GRHL2: variants seen among roughly 807,000 people sequenced by gnomAD.
GRHL2 encodes grainyhead-like protein 2 homolog.
GRHL2 carries 21 observed loss-of-function variants against 83.8 expected under a neutral mutation model. The ratio of observed to expected loss-of-function variants is 0.25; its 90% CI spans 0.18 to 0.36. The LOEUF is 0.36. Among genes scored for constraint, GRHL2 ranks in the 10% least tolerant of loss-of-function variants. The pLI is 1.00. For missense variants in GRHL2, 623 were observed against 781.8 expected, an observed-to-expected ratio of 0.80 and a Z score of 2.42; for synonymous variants, 280 against 278.9, an observed-to-expected ratio of 1.00 and a Z score of -0.04.
intron 1 of GRHL2, among the ~76,000 whole-genome samples, chr8:101,526,528 T>C (rs1228078749): frequency 3.5e-5 from 3 of 86,808 alleles, no homozygotes; most frequent in African/African-American, 4.1e-5. Context: ...TTTTTTCCTT[T>C]TTTTTTTTTT....
In GRHL2 at chr8:101,652,361, G is replaced by GTCTGA. The variant is rs1563626779; in HGVS notation, c.1698+2863_1698+2864insCTGAT. ...TGTGTATGTGTGTGGTGTGTGTGGT[G>GTCTGA]TGTGTGTGTCTGATGTGTGTGTGGT... On this transcript the variant is annotated intron_variant, in intron 14 of 15. Transcript: ENST00000646743. Among the ~76,000 whole-genome samples, 91 of 52,568 alleles carry GTCTGA rather than the reference G, an allele frequency of 1.7e-3. 2 individuals are homozygous for GTCTGA. Among genetic ancestry groups the GTCTGA allele is most frequent in the East Asian group, 0.013 (26 of 2,014 alleles). The allele number at this position is 52,568 out of a possible 152,430, so 34.5% of individuals were successfully genotyped here. A position where few individuals can be genotyped will look rare whatever the true frequency, so the allele number is the denominator to read the frequency against.
intron 14 of GRHL2, among the ~76,000 whole-genome samples, chr8:101,652,403 T>C (rs570887839): frequency 1.4e-5 from 1 of 73,024 alleles, no homozygotes; most frequent in Non-Finnish European, 2.5e-5. Context: ...GTGTGTCTGG[T>C]GTGTGTGTGG....
the GRHL2 span, among the ~76,000 whole-genome samples, chr8:101,674,807 C>A: frequency 6.6e-6 from 1 of 152,026 alleles, no homozygotes; most frequent in African/African-American, 2.4e-5. Flanking sequence ...CAAAAATCCT[C>A]AATAAAATAC....
intron 4 of GRHL2, among the ~76,000 whole-genome samples, chr8:101,569,122 A>C (rs946224288): frequency 4.6e-5 from 7 of 152,198 alleles, no homozygotes; most frequent in African/African-American, 1.4e-4. Context: ...GTCATAGTGA[A>C]AAAACAAGAT....
rs541650305 is a variant in GRHL2, at chr8:101,629,300, G to A, written c.1258-2337G>A. Among the ~76,000 whole-genome samples the A allele has an allele frequency of 2.2e-3, 309 of 140,624 alleles. 1 individual carries two copies. Among genetic ancestry groups the A allele is most frequent in the African/African-American group, 7.7e-3 (295 of 38,240 alleles). 92.3% of individuals were successfully genotyped at this position (140,624 alleles called of 152,430 possible). A position where few individuals can be genotyped will look rare whatever the true frequency, so the allele number is the denominator to read the frequency against. The stretch of plus-strand genomic sequence containing the variant: ...GAATACAACTTGCTAAAGCCTCAGT[G>A]TGTATTTTTTTTTTTTTAGCAATGA... On this transcript the variant is annotated intron_variant, in intron 9 of 15. Coordinates refer to ENST00000646743, the MANE Select transcript of GRHL2 (RefSeq NM_024915.4).
At chr8:101,529,325 C>T (rs1036910266) in intron 1 of GRHL2, 5 of 185,940 alleles carry the variant, frequency 2.7e-5, no homozygotes, top group Non-Finnish European at 4.4e-5. Flanking sequence ...CCCAGCTACT[C>T]GGGAGACTGA....
intron 12 of GRHL2, among the ~76,000 whole-genome samples, chr8:101,639,675 C>T (rs944855609): frequency 6.6e-6 from 1 of 152,320 alleles, no homozygotes; most frequent in East Asian, 1.9e-4. Context: ...CAAAGGCACA[C>T]CCTTGGTTCA....
chr8:101,524,752 C>T (rs1810768557), intron 1 of GRHL2, among the ~76,000 whole-genome samples: 1 of 151,470 alleles, frequency 6.6e-6, no homozygotes, highest in Non-Finnish European at 1.5e-5. Flanking sequence ...GATATTAGGT[C>T]AGTTTTCTTA....
At chr8:101,661,492 C>G (rs577895997) in intron 14 of GRHL2, among the ~76,000 whole-genome samples, 72 of 152,314 alleles carry the variant, frequency 4.7e-4, no homozygotes, top group Non-Finnish European at 3.2e-4. Context: ...CACACACATC[C>G]TCCCATGTAC....
chr8:101,526,391 T>C (rs554121802), intron 1 of GRHL2, among the ~76,000 whole-genome samples: 2 of 152,328 alleles, frequency 1.3e-5, no homozygotes, highest in East Asian at 3.9e-4. Context: ...ACTGAGTTAT[T>C]TGGATTTTCC....
At position 101,492,575 on chromosome 8, in the gene GRHL2, C is replaced by T; in HGVS notation, c.-195C>T. 1 of 684,142 alleles carries T rather than the reference C, an allele frequency of 1.5e-6. No individual in the cohort carries two copies. The highest frequency in any genetic ancestry group is 1.6e-5 in the South Asian group (1 of 60,754). 42.4% of individuals were successfully genotyped at this position (684,142 alleles called of 1,614,324 possible). On this transcript the variant is annotated 5_prime_UTR_variant, in exon 1 of 16. Coordinates refer to ENST00000646743, the MANE Select transcript of GRHL2 (RefSeq NM_024915.4). ...TGTGAGGGGCCCCCCCTTATCCCAC[C>T]TTTCCGGCTAGGTGAGGGCGCGAGC... is the stretch of plus-strand genomic sequence containing the variant.
intron 1 of GRHL2, among the ~76,000 whole-genome samples, chr8:101,520,202 G>A (rs1358506540): frequency 6.6e-6 from 1 of 152,150 alleles, no homozygotes; most frequent in Non-Finnish European, 1.5e-5. Context: ...AGACAGAGGT[G>A]GAGTCCAACA....
At chr8:101,539,131 T>A (rs2130108470) in intron 1 of GRHL2, among the ~76,000 whole-genome samples, 2 of 152,314 alleles carry the variant, frequency 1.3e-5, no homozygotes, top group African/African-American at 4.8e-5. Context: ...AGGACACATC[T>A]TAGTGTAAAT....
chr8:101,596,417 T>C (rs1812392908), intron 7 of GRHL2, among the ~76,000 whole-genome samples: 1 of 152,206 alleles, frequency 6.6e-6, no homozygotes, highest in South Asian at 2.1e-4. Context: ...GACCTGCTAC[T>C]TTCACTTCTA....
intron 7 of GRHL2, 82 bp from the exon 8 acceptor site, chr8:101,598,975 C>A: frequency 1.1e-6 from 1 of 926,748 alleles, no homozygotes; most frequent in Non-Finnish European, 1.8e-6. Flanking sequence ...TTTAAATTTA[C>A]CCATTGGAAA....
At chr8:101,645,730 G>A (rs1042199505) in intron 13 of GRHL2, among the ~76,000 whole-genome samples, 2 of 152,082 alleles carry the variant, frequency 1.3e-5, no homozygotes, top group East Asian at 1.9e-4. Context: ...CTCCGTGTTC[G>A]CTGTTGTAAC....
In GRHL2 at chr8:101,577,441, A is replaced by G; in HGVS notation, c.925A>G (p.Asn309Asp). The G allele has an allele frequency of 6.2e-7, 1 of 1,614,074 alleles. No individual in the cohort carries two copies. The highest frequency in any genetic ancestry group is 1.1e-5 in the South Asian group (1 of 91,062). ...VVMVVFSEDK[N>D]RDEQLKYWKY... Reference sequence around the variant, plus strand: ...GATGGTGGTCTTCAGTGAAGACAAAAACAGAGATGAACAGCTCAAATACTG... The same window carrying G: ...GATGGTGGTCTTCAGTGAAGACAAAGACAGAGATGAACAGCTCAAATACTG... The change falls in exon 7 of 16, where the codon AAC becomes GAC. Residue 309 changes from asparagine to aspartate, a missense_variant. Around this residue, in one of 8 missense-constraint regions of GRHL2, gnomAD observed 96 missense variants for 144.8 expected, o/e 0.66. Transcript: ENST00000646743.
intron 1 of GRHL2, among the ~76,000 whole-genome samples, chr8:101,542,508 G>A (rs1811174206): frequency 6.6e-6 from 1 of 150,798 alleles, no homozygotes; most frequent in East Asian, 2.0e-4. Context: ...AGCCGAGATT[G>A]CACCATTGCA....
At chr8:101,602,667 T>A (rs1179482149) in intron 8 of GRHL2, among the ~76,000 whole-genome samples, 2 of 152,174 alleles carry the variant, frequency 1.3e-5, no homozygotes, top group East Asian at 3.8e-4. Context: ...TAGGCCTGAG[T>A]GTTTGCAAGG....
Sources: gnomAD v4.1 joint callset for allele counts (sites outside exome capture counted in the v4.1 genomes callset) on GRCh38, gnomAD v4.1.1 for gene constraint, gnomAD v4.1.1 regional missense constraint, MANE v1.5 for transcripts, NCBI Gene and HGNC (gene_info 2026-07-23, HGNC 2026-07-21) for gene names.